Variants in SNTB2 observed in about 807,000 individuals in gnomAD.
SNTB2 encodes the protein syntrophin beta 2.
Under a neutral mutation model 46.2 loss-of-function variants are expected in SNTB2, and 34 were observed. The ratio of observed to expected loss-of-function variants is 0.74; its 90% CI spans 0.56 to 0.98. The LOEUF is 0.98. Among genes scored for constraint, SNTB2 ranks in the 50% least tolerant of loss-of-function variants. The pLI is 0.00. For missense variants in SNTB2, 603 were observed against 731.4 expected (o/e 0.82, Z 2.02); for synonymous variants, 290 against 312.6 (o/e 0.93, Z 0.76).
At position 69,187,535 on chromosome 16, in the gene SNTB2, G is replaced by A. The variant is rs748543676; in HGVS notation, c.369G>A (p.Ala123=). ...VRRVRVVKQE[A]GGLGISIKGG... ...GGGTGCGGGTGGTGAAGCAAGAGGC[G>A]GGCGGCCTGGGCATCAGCATCAAGG... The change falls in exon 1 of 7, where the codon GCG becomes GCA. Residue 123 remains alanine (A), a synonymous_variant. Transcript: ENST00000336278. 7.8e-6 allele frequency: 11 copies of A among 1,403,720 alleles called. No homozygotes were observed. Among genetic ancestry groups the A allele is most frequent in the Non-Finnish European group, 1.0e-5 (11 of 1,067,154 alleles). The allele number at this position is 1,403,720 out of a possible 1,614,324, so 87.0% of individuals were successfully genotyped here.
intron 4 of SNTB2, among the ~76,000 whole-genome samples, chr16:69,282,063 G>A (rs1035274005): frequency 1.3e-5 from 2 of 150,160 alleles, no homozygotes; most frequent in Non-Finnish European, 3.0e-5. Context: ...CCACCACCAT[G>A]CCTGGCTGAT....
intron 1 of SNTB2, among the ~76,000 whole-genome samples, chr16:69,223,944 C>T (rs1008253366): frequency 3.3e-5 from 5 of 151,908 alleles, no homozygotes; most frequent in African/African-American, 1.2e-4. Context: ...GTTCTTCAGT[C>T]TTGTCTTTTC....
chr16:69,252,917 T>G (rs1166129493), intron 2 of SNTB2, among the ~76,000 whole-genome samples: 3 of 151,698 alleles, frequency 2.0e-5, no homozygotes, highest in Admixed American at 2.0e-4. Flanking sequence ...TTTTTTTTTT[T>G]TTTTGAGATG....
At chr16:69,227,682 T>G (rs1597179607) in intron 1 of SNTB2, among the ~76,000 whole-genome samples, 1 of 152,200 alleles carries the variant, frequency 6.6e-6, no homozygotes, top group African/African-American at 2.4e-5. Flanking sequence ...ATTGGTCAAG[T>G]GGACAAGACA....
At position 69,297,306 on chromosome 16, in the gene SNTB2, CAAAAAAA is replaced by C. The variant is rs60543622; in HGVS notation, c.1346-2262_1346-2256del. 7.4e-4 allele frequency among the ~76,000 whole-genome samples: 34 copies of C among 45,722 alleles called. 1 individual carries two copies. Among genetic ancestry groups the C allele is most frequent in the African/African-American group, 3.1e-3 (31 of 10,150 alleles). 30.0% of individuals were successfully genotyped at this position (45,722 alleles called of 152,430 possible). On this transcript the variant is annotated intron_variant, in intron 5 of 6. Coordinates refer to ENST00000336278, the MANE Select transcript of SNTB2 (RefSeq NM_006750.4). ...TAGGTGACACAGCAAGATTCTATCTCAAAAAAAAAAAAAAAAAAAAAAAAAAAAGGAG... is the reference window on the plus strand; with the variant it reads ...TAGGTGACACAGCAAGATTCTATCTCAAAAAAAAAAAAAAAAAAAAAGGAG...
At chr16:69,300,739 C>G (rs1965270708) in intron 6 of SNTB2, 93 bp from the exon 7 acceptor site, 2 of 882,386 alleles carry the variant, frequency 2.3e-6, no homozygotes, top group Non-Finnish European at 3.8e-6. Context: ...CTGGCACATT[C>G]TTTACCTACC....
chr16:69,288,014 G>GA (rs201382672), intron 5 of SNTB2, among the ~76,000 whole-genome samples: 3,444 of 146,330 alleles, frequency 0.024, 123 homozygotes, highest in African/African-American at 0.081. Context: ...CATCTCTATT[G>GA]AAAAAAAAAA....
At chr16:69,278,889 A>AGTGTGTGTGTGTGTGTGTGTGTGT (rs71148981) in intron 4 of SNTB2, among the ~76,000 whole-genome samples, 8 of 141,002 alleles carry the variant, frequency 5.7e-5, no homozygotes, top group African/African-American at 2.1e-4. Flanking sequence ...AGGTGGGAAG[A>AGTGTGTGTGTGTGTGTGTGTGTGT]GTGTGTGTGT....
rs894198877 is a variant in SNTB2 at position 69,307,909 on chromosome 16, A to G, written c.*6985A>G. 1 of 152,238 alleles carries G rather than the reference A, an allele frequency of 6.6e-6. No homozygotes were observed. The highest frequency in any genetic ancestry group is 1.5e-5 in the Non-Finnish European group (1 of 68,034). 9.4% of individuals were successfully genotyped at this position (152,238 alleles called of 1,614,324 possible). On this transcript the variant is annotated 3_prime_UTR_variant, in exon 7 of 7. Transcript: ENST00000336278. ...AGGGCACCTAAAGAAAATAAGGCTG[A>G]CTGAATGTTTTCCATAATTTTCACA...
At chr16:69,280,131 A>C (rs1965025674) in intron 4 of SNTB2, among the ~76,000 whole-genome samples, 1 of 152,166 alleles carries the variant, frequency 6.6e-6, no homozygotes, top group Non-Finnish European at 1.5e-5. Context: ...TAATCCGTTT[A>C]ACCCTGAGTG....
At chr16:69,239,629 A>G (rs1964591312) in intron 1 of SNTB2, among the ~76,000 whole-genome samples, 1 of 152,038 alleles carries the variant, frequency 6.6e-6, no homozygotes, top group South Asian at 2.1e-4. Flanking sequence ...GCTCACTGCA[A>G]CCTCTGCCTC....
rs553365428 is a variant in SNTB2, at chr16:69,306,269, A to G, written c.*5345A>G. ...TTTGTTTTTTTTTGTCTCTCTGACT[A>G]GCTAAACTGCCAACTAGAAGAATGG... On this transcript the variant is annotated 3_prime_UTR_variant, in exon 7 of 7. Coordinates refer to ENST00000336278, the MANE Select transcript of SNTB2 (RefSeq NM_006750.4). The G allele has an allele frequency of 6.6e-6, 1 of 152,188 alleles. No homozygotes were observed. Among genetic ancestry groups the G allele is most frequent in the African/African-American group, 2.4e-5 (1 of 41,516 alleles). 9.4% of individuals were successfully genotyped at this position (152,188 alleles called of 1,614,324 possible).
chr16:69,248,986 A>T (rs1211205407), intron 2 of SNTB2, among the ~76,000 whole-genome samples: 2 of 151,702 alleles, frequency 1.3e-5, no homozygotes, highest in African/African-American at 4.8e-5. Flanking sequence ...CAGGCTGAGA[A>T]AAGTATAGAG....
intron 1 of SNTB2, among the ~76,000 whole-genome samples, chr16:69,200,819 G>C (rs1198843177): frequency 1.3e-5 from 2 of 152,020 alleles, no homozygotes; most frequent in Admixed American, 1.3e-4. Context: ...CTGGCCCTGT[G>C]ATCCATCTTG....
At chr16:69,277,577 G>T (rs1964994970) in intron 4 of SNTB2, among the ~76,000 whole-genome samples, 1 of 152,112 alleles carries the variant, frequency 6.6e-6, no homozygotes, top group South Asian at 2.1e-4. Context: ...GTTGAGTTTT[G>T]GTTCTGTGGA....
intron 5 of SNTB2, among the ~76,000 whole-genome samples, chr16:69,293,030 G>T (rs1027056030): frequency 2.0e-5 from 3 of 152,130 alleles, no homozygotes; most frequent in African/African-American, 7.2e-5. Context: ...AGTATTTCAA[G>T]GGAGGAAAAG....
chr16:69,274,227 G>A (rs746383015), intron 4 of SNTB2, among the ~76,000 whole-genome samples: 13 of 150,882 alleles, frequency 8.6e-5, no homozygotes, highest in African/African-American at 2.7e-4. Flanking sequence ...CAGAAGAATC[G>A]ATTGAACCCC....
At chr16:69,277,086 T>C (rs1228515344) in intron 4 of SNTB2, among the ~76,000 whole-genome samples, 1 of 152,220 alleles carries the variant, frequency 6.6e-6, no homozygotes, top group Non-Finnish European at 1.5e-5. Flanking sequence ...TACATGCTTT[T>C]TCATGTAAAC....
At chr16:69,292,384 TA>T (rs1183613301) in intron 5 of SNTB2, among the ~76,000 whole-genome samples, 2 of 20,332 alleles carry the variant, frequency 9.8e-5, no homozygotes, top group African/African-American at 2.6e-4. Flanking sequence ...ATATATTATA[TA>T]TATATTATAT....
Sources: allele counts gnomAD v4.1 joint callset (sites outside exome capture counted in the v4.1 genomes callset), GRCh38; gene constraint gnomAD v4.1.1; transcripts MANE v1.5; gene names NCBI Gene and HGNC (gene_info 2026-07-23, HGNC 2026-07-21).